The following CDH12 variants were observed in gnomAD, a reference collection of about 807,000 sequenced individuals.
CDH12 encodes the protein cadherin-12.
Under a neutral mutation model 74.1 loss-of-function variants are expected in CDH12, and 41 were observed. That is an observed-to-expected ratio of 0.55 (90% confidence interval 0.43 to 0.72). CDH12 has a LOEUF of 0.72. Among genes scored for constraint, CDH12 ranks in the 30% least tolerant of loss-of-function variants. The pLI, the probability that CDH12 is intolerant of heterozygous loss-of-function variation, is 0.00. For synonymous variants in CDH12, 399 were observed against 355.0 expected, an observed-to-expected ratio of 1.12 and a Z score of -1.39; for missense variants, 945 against 977.2, an observed-to-expected ratio of 0.97 and a Z score of 0.44.
intron 1 of CDH12, among the ~76,000 whole-genome samples, chr5:22,608,083 C>G (rs1384336024): frequency 6.6e-6 from 1 of 152,182 alleles, no homozygotes; most frequent in Non-Finnish European, 1.5e-5. Context: ...AAGTGAGCCA[C>G]CATCCTCCAG....
intron 5 of CDH12, among the ~76,000 whole-genome samples, chr5:22,028,432 T>C (rs1047152041): frequency 2.0e-5 from 3 of 152,094 alleles, no homozygotes; most frequent in African/African-American, 7.2e-5. Context: ...ACAAAATCAA[T>C]GTACAAAAAT....
At chr5:22,777,104 G>T (rs1747142389) in intron 1 of CDH12, among the ~76,000 whole-genome samples, 1 of 152,116 alleles carries the variant, frequency 6.6e-6, no homozygotes, top group African/African-American at 2.4e-5. Context: ...TTTAAGAGAA[G>T]TTTAGGTGCT....
rs537150105 is a variant in CDH12, at chr5:22,257,830, G to T, written c.-332-45187C>A. Among the ~76,000 whole-genome samples the T allele has an allele frequency of 2.4e-3, 371 of 152,078 alleles. 3 individuals carry two copies. Among genetic ancestry groups the T allele is most frequent in the African/African-American group, 8.8e-3 (365 of 41,492 alleles). On this transcript the variant is annotated intron_variant, in intron 3 of 14. Coordinates refer to ENST00000382254, the MANE Select transcript of CDH12 (RefSeq NM_004061.5). ...TTTTGTGTGTGAAAAATCAGACCTT[G>T]TCAATGACCTTGAACAGTAGGATAT...
intron 5 of CDH12, among the ~76,000 whole-genome samples, chr5:21,984,126 C>G (rs1341421782): frequency 6.6e-6 from 1 of 151,926 alleles, no homozygotes; most frequent in Non-Finnish European, 1.5e-5. Flanking sequence ...AATAAATAAC[C>G]TAATTTGAAG....
At chr5:22,550,823 G>A (rs971007841) in intron 1 of CDH12, among the ~76,000 whole-genome samples, 3 of 152,186 alleles carry the variant, frequency 2.0e-5, no homozygotes, top group Non-Finnish European at 4.4e-5. Context: ...AGGAAGCCCT[G>A]AACATGGGTT....
At chr5:22,566,122 C>T (rs751013880) in intron 1 of CDH12, among the ~76,000 whole-genome samples, 5 of 152,082 alleles carry the variant, frequency 3.3e-5, no homozygotes, top group Non-Finnish European at 5.9e-5. Context: ...TTTAAAAAAG[C>T]ACACACACAA....
intron 6 of CDH12, among the ~76,000 whole-genome samples, chr5:21,948,297 G>A (rs1172512374): frequency 1.3e-5 from 2 of 152,158 alleles, no homozygotes; most frequent in Admixed American, 1.3e-4. Context: ...GACACTCAAT[G>A]CCAGCCTGTG....
At chr5:21,901,519 A>T (rs925751333) in intron 6 of CDH12, among the ~76,000 whole-genome samples, 1 of 152,178 alleles carries the variant, frequency 6.6e-6, no homozygotes, top group Non-Finnish European at 1.5e-5. Flanking sequence ...TTTAGAAGTG[A>T]CATCTCAATT....
At chr5:22,691,077 G>A (rs940559868) in intron 1 of CDH12, among the ~76,000 whole-genome samples, 3 of 151,906 alleles carry the variant, frequency 2.0e-5, no homozygotes, top group African/African-American at 7.3e-5. Context: ...TTTTTCCTTA[G>A]CAATTGCTCA....
At chr5:22,738,210 C>T (rs1384004003) in intron 1 of CDH12, among the ~76,000 whole-genome samples, 7 of 151,894 alleles carry the variant, frequency 4.6e-5, no homozygotes, top group African/African-American at 1.4e-4. Context: ...AGGGCTGTCT[C>T]GTGGAGCAGA....
At chr5:22,108,433 A>G (rs1744618785) in intron 4 of CDH12, among the ~76,000 whole-genome samples, 1 of 152,250 alleles carries the variant, frequency 6.6e-6, no homozygotes, top group Non-Finnish European at 1.5e-5. Flanking sequence ...TAATATTTTT[A>G]TGATACTCAT....
At chr5:22,343,441 G>A (rs180795083) in intron 3 of CDH12, among the ~76,000 whole-genome samples, 1 of 151,502 alleles carries the variant, frequency 6.6e-6, no homozygotes, top group African/African-American at 2.4e-5. Flanking sequence ...TTTTTGAGAC[G>A]GAGTCTCGCT....
chr5:21,909,069 TA>T (rs372786535), intron 6 of CDH12, among the ~76,000 whole-genome samples: 29 of 152,288 alleles, frequency 1.9e-4, no homozygotes, highest in African/African-American at 7.0e-4. Context: ...ACAAAAACAT[TA>T]AAGAAAAGTT....
At chr5:21,929,106 T>C (rs578138775) in intron 6 of CDH12, among the ~76,000 whole-genome samples, 1 of 151,980 alleles carries the variant, frequency 6.6e-6, no homozygotes, top group Admixed American at 6.6e-5. Context: ...GCCAAATATA[T>C]ATTCAAAATT....
At chr5:22,659,046 G>A (rs1188863635) in intron 1 of CDH12, among the ~76,000 whole-genome samples, 2 of 151,998 alleles carry the variant, frequency 1.3e-5, no homozygotes, top group African/African-American at 4.8e-5. Flanking sequence ...TCATGTTAAG[G>A]CCTGGAATTA....
chr5:22,261,875 G>A (rs2150394285), intron 3 of CDH12, among the ~76,000 whole-genome samples: 1 of 151,628 alleles, frequency 6.6e-6, no homozygotes, highest in South Asian at 2.1e-4. Flanking sequence ...CATGGCAGGT[G>A]GCTTACCCTC....
chr5:22,584,278 T>G (rs567303834), intron 1 of CDH12, among the ~76,000 whole-genome samples: 1 of 152,166 alleles, frequency 6.6e-6, no homozygotes, highest in East Asian at 1.9e-4. Flanking sequence ...TTTTGTACTT[T>G]TAGCAGAGAC....
At chr5:22,810,900 AAT>A (rs761041109) in intron 1 of CDH12, among the ~76,000 whole-genome samples, 3 of 147,896 alleles carry the variant, frequency 2.0e-5, no homozygotes, top group South Asian at 2.1e-4. Context: ...AAAACAAACA[AAT>A]ATATGTGTGT....
intron 1 of CDH12, among the ~76,000 whole-genome samples, chr5:22,600,003 T>A (rs1220147751): frequency 2.6e-5 from 4 of 152,124 alleles, no homozygotes; most frequent in Non-Finnish European, 5.9e-5. Flanking sequence ...ACTATTAAAA[T>A]ACTTAAAATA....
Sources: gnomAD v4.1 joint callset for allele counts (sites outside exome capture counted in the v4.1 genomes callset) on GRCh38, gnomAD v4.1.1 for gene constraint, MANE v1.5 for transcripts, NCBI Gene and HGNC (gene_info 2026-07-23, HGNC 2026-07-21) for gene names.